Variants in TMEM182 observed in about 807,000 individuals in gnomAD.
TMEM182 encodes transmembrane protein 182.
Under a neutral mutation model 26.8 loss-of-function variants are expected in TMEM182, and 20 were observed. That is an observed-to-expected ratio of 0.75 (90% CI 0.53 to 1.09). TMEM182 has a LOEUF of 1.09. Ranked by LOEUF, TMEM182 falls within the 50% of genes least tolerant of loss-of-function variation. The pLI is 0.00. For synonymous variants in TMEM182, 109 were observed against 102.2 expected, an observed-to-expected ratio of 1.07 and a Z score of -0.40; for missense variants, 277 against 275.5, an observed-to-expected ratio of 1.01 and a Z score of -0.04.
intron 4 of TMEM182, among the ~76,000 whole-genome samples, chr2:102,810,578 A>G (rs1682519282): frequency 6.6e-6 from 1 of 152,142 alleles, no homozygotes; most frequent in Non-Finnish European, 1.5e-5. Context: ...CGTTTCAATC[A>G]TTGTTTCACA....
chr2:102,792,939 G>C (rs575505497), intron 3 of TMEM182, among the ~76,000 whole-genome samples: 12 of 152,280 alleles, frequency 7.9e-5, no homozygotes, highest in African/African-American at 2.6e-4. Flanking sequence ...CTTGCTGTCT[G>C]TTTCTTCCTC....
chr2:102,822,209 A>G (rs961742846), downstream of TMEM182, among the ~76,000 whole-genome samples: 2 of 152,176 alleles, frequency 1.3e-5, no homozygotes, highest in Non-Finnish European at 2.9e-5. Flanking sequence ...CTGGGGAGTC[A>G]CAACATGTAA....
chr2:102,778,111 G>A (rs987941199), intron 3 of TMEM182, among the ~76,000 whole-genome samples: 1 of 151,972 alleles, frequency 6.6e-6, no homozygotes, highest in African/African-American at 2.4e-5. Flanking sequence ...AGGTGTCGAA[G>A]TCTCCAGTTA....
At chr2:102,818,063 C>A (rs1682812761), downstream of TMEM182, among the ~76,000 whole-genome samples, 1 of 152,108 alleles carries the variant, frequency 6.6e-6, no homozygotes, top group Non-Finnish European at 1.5e-5. Flanking sequence ...CTGGATATGT[C>A]TGAAGGTCGG....
intron 3 of TMEM182, among the ~76,000 whole-genome samples, chr2:102,829,857 A>G (rs567965018): frequency 2.6e-5 from 4 of 152,256 alleles, no homozygotes; most frequent in Middle Eastern, 3.4e-3. Context: ...TCCTCCCCCA[A>G]TTAAACTGCA....
At chr2:102,790,272 C>A (rs975967235) in intron 3 of TMEM182, among the ~76,000 whole-genome samples, 1 of 152,194 alleles carries the variant, frequency 6.6e-6, no homozygotes, top group Non-Finnish European at 1.5e-5. Flanking sequence ...CTCTTAGAGG[C>A]CCCTGATGAG....
intron 4 of TMEM182, among the ~76,000 whole-genome samples, chr2:102,804,742 G>GA (rs563224838): frequency 1.5e-4 from 23 of 150,934 alleles, no homozygotes; most frequent in Admixed American, 9.9e-4. Context: ...GTTGGTGGTG[G>GA]AAAAAAAAAG....
At chr2:102,778,678 G>A in intron 3 of TMEM182, among the ~76,000 whole-genome samples, 1 of 143,242 alleles carries the variant, frequency 7.0e-6, no homozygotes, top group Non-Finnish European at 1.5e-5. Context: ...ATAATCATCG[G>A]TTTAGCTATT....
At chr2:102,756,611 G>A (rs1680045990) in intron 1 of TMEM182, among the ~76,000 whole-genome samples, 1 of 151,880 alleles carries the variant, frequency 6.6e-6, no homozygotes. Flanking sequence ...TGGGAGGGTG[G>A]GGTGGGAGAA....
chr2:102,830,250 C>A (rs529048681), intron 3 of TMEM182, among the ~76,000 whole-genome samples: 74 of 152,192 alleles, frequency 4.9e-4, no homozygotes, highest in Non-Finnish European at 9.1e-4. Flanking sequence ...GTTTTGACAA[C>A]CACTTCATAT....
chr2:102,762,233 G>A lies in TMEM182; in HGVS notation c.16G>A (p.Ala6Thr), dbSNP rs145943993. 55 of 1,611,502 alleles carry A rather than the reference G, an allele frequency of 3.4e-5. No homozygotes were observed. The Middle Eastern group carries it at 9.9e-4, about 29-fold the overall frequency. The change falls in exon 1 of 5, where the codon GCT (alanine) becomes ACT (threonine). Residue 6 changes from alanine to threonine, a missense_variant. By Grantham distance (58) the Ala-to-Thr change is moderately conservative. Transcript: ENST00000412401. The stretch of plus-strand genomic sequence containing the variant: ...TGAATTGAAAATGAGACTAAATATC[G>A]CTATCTTCTTTGGAGCTCTCTTTGG... The part of the protein sequence containing the change: MRLNI[A>T]IFFGALFGAL...
chr2:102,828,409 G>T (rs1178546465), intron 3 of TMEM182, among the ~76,000 whole-genome samples: 1 of 152,114 alleles, frequency 6.6e-6, no homozygotes, highest in African/African-American at 2.4e-5. Context: ...ACTTTTTTCT[G>T]CCTGTGTAAT....
chr2:102,759,537 C>T (rs1367305417), upstream of TMEM182, among the ~76,000 whole-genome samples: 1 of 152,190 alleles, frequency 6.6e-6, no homozygotes, highest in East Asian at 1.9e-4. Context: ...ATAAGCACTT[C>T]TGAAGATGTA....
At chr2:102,789,099 G>T (rs778109860) in intron 3 of TMEM182, among the ~76,000 whole-genome samples, 4 of 152,194 alleles carry the variant, frequency 2.6e-5, no homozygotes, top group African/African-American at 9.6e-5. Context: ...CATTTGCTGC[G>T]AGGGAGGTGG....
intron 1 of TMEM182, among the ~76,000 whole-genome samples, chr2:102,752,479 A>G (rs1221502951): frequency 1.3e-5 from 2 of 152,240 alleles, no homozygotes; most frequent in African/African-American, 4.8e-5. Flanking sequence ...GGAGCCGTCT[A>G]TGTAGAATCT....
At chr2:102,826,013 A>G (rs914115962) in intron 3 of TMEM182, among the ~76,000 whole-genome samples, 3 of 152,216 alleles carry the variant, frequency 2.0e-5, no homozygotes, top group African/African-American at 7.2e-5. Context: ...ATGTTGAGTT[A>G]GTTGCATGAA....
intron 3 of TMEM182, among the ~76,000 whole-genome samples, chr2:102,797,393 T>C (rs1285136165): frequency 6.6e-6 from 1 of 152,194 alleles, no homozygotes; most frequent in Non-Finnish European, 1.5e-5. Flanking sequence ...TTATCAGCTC[T>C]CAGAGATAAT....
In TMEM182 at chr2:102,816,305, C is replaced by T. The variant is rs942357620; in HGVS notation, c.*1337C>T. On this transcript the variant is annotated 3_prime_UTR_variant, in exon 5 of 5. Coordinates refer to ENST00000412401, the MANE Select transcript of TMEM182 (RefSeq NM_144632.5). ...TGTGAGGACAGAGAGGCATGGCCCA[C>T]AGGCAAAAAAAGTCACCACCCAGAA... 46 of 985,130 alleles carry T rather than the reference C, an allele frequency of 4.7e-5. No homozygotes were observed. Among genetic ancestry groups the T allele is most frequent in the Middle Eastern group, 5.2e-4 (1 of 1,912 alleles). 61.0% of individuals were successfully genotyped at this position (985,130 alleles called of 1,614,324 possible).
At chr2:102,802,328 A>T (rs1229004724) in intron 4 of TMEM182, among the ~76,000 whole-genome samples, 2 of 152,144 alleles carry the variant, frequency 1.3e-5, no homozygotes, top group African/African-American at 2.4e-5. Context: ...TTGCTGGGTC[A>T]ACAGGCTCAG....
Sources: gnomAD v4.1 joint callset for allele counts (sites outside exome capture counted in the v4.1 genomes callset) on GRCh38, gnomAD v4.1.1 for gene constraint, MANE v1.5 for transcripts, NCBI Gene and HGNC (gene_info 2026-07-23, HGNC 2026-07-21) for gene names.